PEX7: variants seen among roughly 807,000 people sequenced by gnomAD.
PEX7 encodes the protein PTS2 receptor.
Under a neutral mutation model 47.5 loss-of-function variants are expected in PEX7, and 34 were observed. The ratio of observed to expected loss-of-function variants is 0.72; its 90% CI spans 0.54 to 0.95. The LOEUF is 0.95. Among genes scored for constraint, PEX7 ranks in the 40% least tolerant of loss-of-function variants. The pLI is 0.00. For synonymous variants in PEX7, 141 were observed against 148.8 expected (o/e 0.95, Z 0.38); for missense variants, 394 against 400.3 (o/e 0.98, Z 0.13).
chr6:136,830,227 T>C, intron 3 of PEX7: 1 of 583,168 alleles, frequency 1.7e-6, no homozygotes, highest in Non-Finnish European at 3.0e-6. Flanking sequence ...GTAGTCTGTA[T>C]CACAGACCAG....
intron 6 of PEX7, among the ~76,000 whole-genome samples, chr6:136,868,871 G>A (rs190601127): frequency 4.3e-4 from 66 of 152,102 alleles, no homozygotes; most frequent in African/African-American, 1.5e-3. Context: ...TTGTAAAGCC[G>A]GAATAGATAA....
chr6:136,885,779 A>G (rs1775458141), intron 8 of PEX7, among the ~76,000 whole-genome samples: 1 of 152,222 alleles, frequency 6.6e-6, no homozygotes, highest in Non-Finnish European at 1.5e-5. Flanking sequence ...TATATATTCA[A>G]TAGAGTAATT....
At chr6:136,897,028 T>A (rs1364246955) in intron 8 of PEX7, among the ~76,000 whole-genome samples, 1 of 152,204 alleles carries the variant, frequency 6.6e-6, no homozygotes, top group Non-Finnish European at 1.5e-5. Context: ...AAAAGTAAAA[T>A]CACTCTTCCC....
intron 3 of PEX7, among the ~76,000 whole-genome samples, chr6:136,840,760 T>G (rs1398535479): frequency 2.0e-5 from 3 of 152,190 alleles, no homozygotes; most frequent in Non-Finnish European, 4.4e-5. Context: ...TCCCAGCTAT[T>G]CAACCTTGCT....
chr6:136,876,284 G>A (rs893483870), intron 8 of PEX7, among the ~76,000 whole-genome samples: 11 of 152,052 alleles, frequency 7.2e-5, no homozygotes, highest in African/African-American at 1.7e-4. Flanking sequence ...TGATCCACCC[G>A]CCTCAGCCTC....
chr6:136,837,671 C>T (rs1355990907), intron 3 of PEX7, among the ~76,000 whole-genome samples: 1 of 152,068 alleles, frequency 6.6e-6, no homozygotes, highest in Non-Finnish European at 1.5e-5. Flanking sequence ...AAGATATCTT[C>T]TTGTGTCAGA....
chr6:136,879,578 A>G (rs373260778), intron 8 of PEX7, among the ~76,000 whole-genome samples: 4 of 152,134 alleles, frequency 2.6e-5, no homozygotes, highest in African/African-American at 9.7e-5. Flanking sequence ...ACCCTGGGGA[A>G]AAAGAACCCT....
intron 6 of PEX7, among the ~76,000 whole-genome samples, chr6:136,868,089 A>T (rs926626002): frequency 2.0e-5 from 3 of 152,204 alleles, no homozygotes; most frequent in Non-Finnish European, 4.4e-5. Flanking sequence ...GTGTTACAGT[A>T]GCCTACAGTA....
At chr6:136,866,905 G>C (rs1331118053) in intron 6 of PEX7, among the ~76,000 whole-genome samples, 172 bp downstream of exon 6, 2 of 152,140 alleles carry the variant, frequency 1.3e-5, no homozygotes, top group African/African-American at 4.8e-5. Context: ...AGCATTAATT[G>C]GATTTAAGTG....
chr6:136,825,708 A>ATTTTTTTTTTATTTT (rs1353695762), intron 2 of PEX7, among the ~76,000 whole-genome samples: 1 of 151,820 alleles, frequency 6.6e-6, no homozygotes, highest in African/African-American at 2.4e-5. Flanking sequence ...TAATTTTTGT[A>ATTTTTTTTTTATTTT]TTTTTTAGTA....
rs1562749885 is a variant in PEX7, at chr6:136,879,048, A to G, written c.803+6795A>G. On this transcript the variant is annotated intron_variant, in intron 8 of 9. Transcript: ENST00000318471. ...AATCCCACCTATTTCTTATATAATA[A>G]CCAGTGAACTTGTTCTACTTTCGCT... Among the ~76,000 whole-genome samples, 7 of 152,270 alleles carry G rather than the reference A, an allele frequency of 4.6e-5. No individual in the cohort carries two copies. In the South Asian group the frequency reaches 1.5e-3, roughly 32 times the overall value.
intron 9 of PEX7, among the ~76,000 whole-genome samples, chr6:136,910,926 ATTC>A (rs1286369392): frequency 6.6e-6 from 1 of 152,172 alleles, no homozygotes; most frequent in Non-Finnish European, 1.5e-5. Flanking sequence ...AACTATCAAC[ATTC>A]TTATTTTATT....
intron 5 of PEX7, among the ~76,000 whole-genome samples, chr6:136,848,483 G>A (rs1471870452): frequency 6.6e-6 from 1 of 152,050 alleles, no homozygotes; most frequent in Non-Finnish European, 1.5e-5. Flanking sequence ...ATTGGCTGTG[G>A]GTTTGTCATA....
At position 136,869,996 on chromosome 6, in the gene PEX7, G is replaced by T; in HGVS notation, c.740G>T (p.Arg247Met). Reference sequence around the variant, plus strand: ...CTTGGTCATACCTATGCTATTAGGAGGGTGAAAGTAAGTTTTCATCTTTTC... The same window carrying T: ...CTTGGTCATACCTATGCTATTAGGATGGTGAAAGTAAGTTTTCATCTTTTC... ...ELLGHTYAIR[R>M]VKFSPFHASV... The change falls in exon 7 of 10, where the codon AGG becomes ATG. Residue 247 changes from arginine to methionine, a missense_variant. Coordinates refer to ENST00000318471, the MANE Select transcript of PEX7 (RefSeq NM_000288.4). 6.3e-7 allele frequency: 1 copy of T among 1,589,856 alleles called. No individual in the cohort carries two copies. Among genetic ancestry groups the T allele is most frequent in the Non-Finnish European group, 8.6e-7 (1 of 1,158,462 alleles).
chr6:136,877,916 T>C (rs1418149242), intron 8 of PEX7, among the ~76,000 whole-genome samples: 1 of 152,220 alleles, frequency 6.6e-6, no homozygotes, highest in Non-Finnish European at 1.5e-5. Flanking sequence ...TTTCACGATA[T>C]TGATTCTTCC....
intron 6 of PEX7, among the ~76,000 whole-genome samples, chr6:136,869,684 G>A (rs1775139272): frequency 6.6e-6 from 1 of 152,128 alleles, no homozygotes; most frequent in African/African-American, 2.4e-5. Flanking sequence ...AGCATATTGA[G>A]TTCTTTTTCT....
intron 9 of PEX7, among the ~76,000 whole-genome samples, chr6:136,905,661 C>T (rs1775834112): frequency 6.6e-6 from 1 of 152,170 alleles, no homozygotes. Context: ...TCTTCATCAC[C>T]ATCCCTCCAA....
rs1345005039 is a variant in PEX7, at chr6:136,913,501, C to G, written c.947C>G (p.Pro316Arg). ...GATGAAACAATAAAGATCTATGACC[C>G]TGCTTGTCTTACTATTCCTGCTTGA... Reference protein sequence around the residue: ...SWDETIKIYDPACLTIPA With the variant: ...SWDETIKIYDRACLTIPA Residue 316 changes from proline to arginine, a missense_variant, in exon 10 of 10, where the codon CCT (proline) becomes CGT (arginine). Physicochemically the swap from Pro to Arg is moderately radical, Grantham distance 103. Transcript: ENST00000318471. 7 of 1,612,444 alleles carry G rather than the reference C, an allele frequency of 4.3e-6. No individual in the cohort carries two copies. In the South Asian group the frequency reaches 6.6e-5, roughly 15 times the overall value.
chr6:136,852,201 G>A (rs1434387551), intron 5 of PEX7, among the ~76,000 whole-genome samples: 2 of 152,052 alleles, frequency 1.3e-5, no homozygotes, highest in Non-Finnish European at 2.9e-5. Flanking sequence ...AAGGGATCCA[G>A]TTTCAGCTTT....
Sources: gnomAD v4.1 joint callset for allele counts (sites outside exome capture counted in the v4.1 genomes callset) on GRCh38, gnomAD v4.1.1 for gene constraint, MANE v1.5 for transcripts, NCBI Gene and HGNC (gene_info 2026-07-23, HGNC 2026-07-21) for gene names.